Variants in FARS2 observed in about 807,000 individuals in gnomAD.
FARS2 encodes phenylalanine--tRNA ligase, mitochondrial.
A neutral mutation model predicts 46.4 loss-of-function variants in FARS2; 40 were observed. The ratio of observed to expected loss-of-function variants is 0.86; its 90% confidence interval spans 0.67 to 1.12. The LOEUF (loss-of-function observed/expected upper bound fraction) is 1.12, where lower values mean the gene tolerates loss of function less well. Ranked by LOEUF, FARS2 falls within the 50% of genes most tolerant of loss-of-function variation. The pLI is 0.00. For missense variants in FARS2, 513 were observed against 567.9 expected (o/e 0.90, Z 0.98); for synonymous variants, 234 against 214.9 (o/e 1.09, Z -0.78).
chr6:5,742,278 G>A (rs918007742), intron 6 of FARS2, among the ~76,000 whole-genome samples: 2 of 152,222 alleles, frequency 1.3e-5, no homozygotes, highest in South Asian at 4.1e-4. Context: ...TAATCGTCAC[G>A]CTTAACTCCC....
chr6:5,699,789 G>C (rs1364807836), intron 6 of FARS2, among the ~76,000 whole-genome samples: 2 of 152,146 alleles, frequency 1.3e-5, no homozygotes, highest in African/African-American at 4.8e-5. Context: ...AAATTTGGCA[G>C]CACAGTTGAA....
chr6:5,561,849 G>T (rs1241189386), intron 5 of FARS2, among the ~76,000 whole-genome samples: 1 of 151,762 alleles, frequency 6.6e-6, no homozygotes, highest in African/African-American at 2.4e-5. Flanking sequence ...TTATTTCTTT[G>T]TCTTGTATTG....
chr6:5,607,935 A>G (rs187681550), intron 5 of FARS2, among the ~76,000 whole-genome samples: 2 of 152,252 alleles, frequency 1.3e-5, no homozygotes, highest in African/African-American at 2.4e-5. Context: ...ATACCTTTCA[A>G]ACACCCCAAG....
chr6:5,608,768 C>A (rs1380544604), intron 5 of FARS2, among the ~76,000 whole-genome samples: 3 of 152,076 alleles, frequency 2.0e-5, no homozygotes, highest in Non-Finnish European at 4.4e-5. Flanking sequence ...CTTCTCCACC[C>A]AAGCAGGTTG....
At chr6:5,493,209 CAAAAAAAAA>C (rs34541325) in intron 4 of FARS2, among the ~76,000 whole-genome samples, 2 of 92,880 alleles carry the variant, frequency 2.2e-5, no homozygotes, top group Admixed American at 1.2e-4. Context: ...GACTGTGTCT[CAAAAAAAAA>C]AAAAAAAAAA....
intron 6 of FARS2, among the ~76,000 whole-genome samples, chr6:5,756,496 AG>A (rs1762210090): frequency 7.0e-6 from 1 of 143,396 alleles, no homozygotes; most frequent in South Asian, 2.2e-4. Context: ...ATGGCAGAGC[AG>A]GAGAGAGAGA....
At chr6:5,695,262 C>G (rs1163634055) in intron 6 of FARS2, 1 of 152,260 alleles carries the variant, frequency 6.6e-6, no homozygotes, top group African/African-American at 2.4e-5. Context: ...AAGATCCATG[C>G]TAGGAATTAA....
chr6:5,558,283 A>C (rs1034186370), intron 5 of FARS2, among the ~76,000 whole-genome samples: 2 of 152,064 alleles, frequency 1.3e-5, no homozygotes, highest in Non-Finnish European at 1.5e-5. Context: ...AGATGTGAGG[A>C]ATTGAGGGCT....
At chr6:5,387,554 C>T (rs1055882069) in intron 2 of FARS2, among the ~76,000 whole-genome samples, 1 of 152,214 alleles carries the variant, frequency 6.6e-6, no homozygotes, top group Non-Finnish European at 1.5e-5. Flanking sequence ...AGCATAGTCT[C>T]TGAAGTTAAT....
At chr6:5,390,662 C>T (rs576919973) in intron 2 of FARS2, among the ~76,000 whole-genome samples, 22 of 152,256 alleles carry the variant, frequency 1.4e-4, no homozygotes, top group South Asian at 1.0e-3. Context: ...ACATATTATG[C>T]CTACATTTCT....
chr6:5,660,228 A>T (rs1413910428), intron 6 of FARS2, among the ~76,000 whole-genome samples: 1 of 152,230 alleles, frequency 6.6e-6, no homozygotes, highest in Admixed American at 6.5e-5. Context: ...GCAAAGGCAG[A>T]CGTGGCTGAT....
At chr6:5,500,027 G>A (rs1371519151) in intron 4 of FARS2, among the ~76,000 whole-genome samples, 1 of 152,192 alleles carries the variant, frequency 6.6e-6, no homozygotes, top group Non-Finnish European at 1.5e-5. Flanking sequence ...AGCTGAGGTA[G>A]CAATTCTAGG....
At chr6:5,347,167 GC>G (rs1428964101) in intron 1 of FARS2, among the ~76,000 whole-genome samples, 20 of 152,096 alleles carry the variant, frequency 1.3e-4, no homozygotes, top group Admixed American at 1.3e-4. Flanking sequence ...TCCCACCTTG[GC>G]CCCCCGAAGT....
intron 6 of FARS2, among the ~76,000 whole-genome samples, chr6:5,632,520 C>T (rs553776072): frequency 3.9e-4 from 59 of 152,046 alleles, no homozygotes; most frequent in African/African-American, 5.3e-4. Flanking sequence ...CAGAGGAAGC[C>T]GCATACCCAT....
At chr6:5,388,734 G>T (rs2503810) in intron 2 of FARS2, among the ~76,000 whole-genome samples, 5,656 of 151,890 alleles carry the variant, frequency 0.037, 346 homozygotes, top group African/African-American at 0.13. Flanking sequence ...AAGGAAGAGA[G>T]CATTTGTATC....
intron 1 of FARS2, among the ~76,000 whole-genome samples, chr6:5,273,353 C>A (rs1349568606): frequency 6.6e-6 from 1 of 152,122 alleles, no homozygotes; most frequent in Non-Finnish European, 1.5e-5. Context: ...TTGATAAAAG[C>A]CATTTTAACT....
rs1011261183 is a variant in FARS2 at position 5,609,103 on chromosome 6, T to A, written c.1066-4066T>A. 80 of 642,676 alleles carry A rather than the reference T, an allele frequency of 1.2e-4. No homozygotes were observed. The African/African-American group carries it at 1.3e-3, about 10-fold the overall frequency. 39.8% of individuals were successfully genotyped at this position (642,676 alleles called of 1,614,324 possible). A position where few individuals can be genotyped will look rare whatever the true frequency, so the allele number is the denominator to read the frequency against. On this transcript the variant is annotated intron_variant, in intron 5 of 6. Coordinates refer to ENST00000274680, the MANE Select transcript of FARS2 (RefSeq NM_006567.5). Reference sequence around the variant, plus strand: ...TACACATGAGTATTTGTCTAAAATATGTCTTCTTTGTAGCAGCTAGGCCCT... The same window carrying A: ...TACACATGAGTATTTGTCTAAAATAAGTCTTCTTTGTAGCAGCTAGGCCCT...
chr6:5,382,829 T>G (rs1759877143), intron 2 of FARS2, among the ~76,000 whole-genome samples: 1 of 152,128 alleles, frequency 6.6e-6, no homozygotes, highest in Non-Finnish European at 1.5e-5. Context: ...TGTCACAATC[T>G]GAAGGTTGGA....
At chr6:5,615,312 G>A (rs151124963) in intron 6 of FARS2, among the ~76,000 whole-genome samples, 2 of 151,976 alleles carry the variant, frequency 1.3e-5, no homozygotes, top group African/African-American at 2.4e-5. Flanking sequence ...TCTCATTTCC[G>A]CTTCATTTGG....
Sources: allele counts gnomAD v4.1 joint callset (sites outside exome capture counted in the v4.1 genomes callset), GRCh38; gene constraint gnomAD v4.1.1; transcripts MANE v1.5; gene names NCBI Gene and HGNC (gene_info 2026-07-23, HGNC 2026-07-21).